KDM4B: variants seen among roughly 807,000 people sequenced by gnomAD.
The protein encoded by KDM4B is lysine-specific demethylase 4B.
KDM4B carries 32 observed loss-of-function variants against 125.2 expected under a neutral mutation model. That is an observed-to-expected ratio of 0.26 (90% confidence interval 0.19 to 0.34). The LOEUF (loss-of-function observed/expected upper bound fraction) is 0.34, where lower values mean the gene tolerates loss of function less well. Among genes scored for constraint, KDM4B ranks in the 10% least tolerant of loss-of-function variants. The probability of loss-of-function intolerance (pLI) is 1.00; values close to 1 mark genes in which losing one functional copy is unlikely to be tolerated. For missense variants in KDM4B, 1,190 were observed against 1,577.7 expected (o/e 0.75, Z 4.16); for synonymous variants, 721 against 677.9 (o/e 1.06, Z -0.99).
chr19:5,032,876 C>G lies in KDM4B; in HGVS notation c.-15C>G. 9 of 1,613,520 alleles carry G rather than the reference C, an allele frequency of 5.6e-6. No homozygotes were observed. The highest frequency in any genetic ancestry group is 6.8e-6 in the Non-Finnish European group (8 of 1,179,714). ...CGTCTTCCTCCACAGGTGTGCTTCC[C>G]GCACAGCTGCAGCCATGGGGTCTGA... On this transcript the variant is annotated 5_prime_UTR_variant, in exon 3 of 23. Coordinates refer to ENST00000159111, the MANE Select transcript of KDM4B (RefSeq NM_015015.3).
At chr19:5,140,645 G>A (rs1464899801) in intron 18 of KDM4B, 1 of 152,236 alleles carries the variant, frequency 6.6e-6, no homozygotes, top group Non-Finnish European at 1.5e-5. Context: ...TAAGGCGGGA[G>A]AATTGCTTGA....
At chr19:5,132,668 C>T (rs570809374) in intron 13 of KDM4B, among the ~76,000 whole-genome samples, 18 of 152,166 alleles carry the variant, frequency 1.2e-4, no homozygotes, top group Admixed American at 3.9e-4. Context: ...GGGGTCTTGC[C>T]TTCTACCCAG....
chr19:4,975,117 G>A (rs976451144), intron 1 of KDM4B, among the ~76,000 whole-genome samples: 7 of 152,102 alleles, frequency 4.6e-5, no homozygotes, highest in African/African-American at 1.7e-4. Flanking sequence ...GTATTAGTCT[G>A]TTTGTGTATC....
At chr19:5,127,274 C>T (rs2039465432) in intron 11 of KDM4B, among the ~76,000 whole-genome samples, 1 of 152,124 alleles carries the variant, frequency 6.6e-6, no homozygotes, top group Non-Finnish European at 1.5e-5. Context: ...GGAGTGTAGT[C>T]CCCATGGCAG....
intron 3 of KDM4B, among the ~76,000 whole-genome samples, chr19:5,033,786 C>T (rs1342801781): frequency 1.3e-5 from 2 of 152,104 alleles, no homozygotes; most frequent in Non-Finnish European, 2.9e-5. Context: ...CACGCGTGTA[C>T]GTGAATACAC....
intron 11 of KDM4B, among the ~76,000 whole-genome samples, chr19:5,128,883 CG>C (rs1169540792): frequency 7.1e-6 from 1 of 140,248 alleles, no homozygotes; most frequent in Non-Finnish European, 1.6e-5. Context: ...CATATAACAG[CG>C]GGGGGCCCGG....
At chr19:5,003,240 A>G (rs1345446821) in intron 1 of KDM4B, among the ~76,000 whole-genome samples, 2 of 152,050 alleles carry the variant, frequency 1.3e-5, no homozygotes, top group Non-Finnish European at 2.9e-5. Context: ...GCCTGTGATC[A>G]TAGCACTTTG....
rs755937200 is a variant in KDM4B, at chr19:5,131,955, G to T, written c.1854G>T (p.Pro618=). ...KKSRRHPLGR[P]PTRSPLSVVK... The stretch of plus-strand genomic sequence containing the variant: ...GCCGGCGCCATCCCCTGGGCCGGCC[G>T]CCCACCCGGTCCCCACTGTCGGTGG... The change falls in exon 13 of 23, where the codon CCG becomes CCT. Residue 618 remains proline (P), a synonymous_variant. Transcript: ENST00000159111. The T allele has an allele frequency of 6.2e-7, 1 of 1,611,958 alleles. No homozygotes were observed. The highest frequency in any genetic ancestry group is 8.5e-7 in the Non-Finnish European group (1 of 1,179,550).
chr19:5,131,008 C>T, intron 11 of KDM4B, 68 bp from the exon 12 acceptor site: 1 of 1,205,754 alleles, frequency 8.3e-7, no homozygotes, highest in Non-Finnish European at 1.1e-6. Flanking sequence ...TGGGGGATTT[C>T]TGGGGAGCGT....
rs1303847176 is a variant in KDM4B at position 5,142,788 on chromosome 19, G to C, written c.2551-1179G>C. The stretch of plus-strand genomic sequence containing the variant: ...TTGGGTATTTACAGTTTAATAACGA[G>C]ATCTCGATGCCGTCGATCGGCCCTG... On this transcript the variant is annotated intron_variant, in intron 18 of 22. Coordinates refer to ENST00000159111, the MANE Select transcript of KDM4B (RefSeq NM_015015.3). This position sits in a 1 kb window ranked among gnomAD's most constrained non-coding sequence, Gnocchi z 5.4. Among the ~76,000 whole-genome samples, 1 of 152,082 alleles carries C rather than the reference G, an allele frequency of 6.6e-6. No homozygotes were observed. The highest frequency in any genetic ancestry group is 2.4e-5 in the African/African-American group (1 of 41,402).
rs564482170 is a variant in KDM4B at position 4,995,226 on chromosome 19, C to T, written c.-108-21031C>T. On this transcript the variant is annotated intron_variant, in intron 1 of 22. Transcript: ENST00000159111. ...CCTTGTGTTTCTGGCTTCTTTTCAT[C>T]TCCCTTGCACCACTGAAACTGATGA... Among the ~76,000 whole-genome samples the T allele has an allele frequency of 9.2e-5, 14 of 152,302 alleles. No homozygotes were observed. The East Asian group carries it at 2.7e-3, about 29-fold the overall frequency.
At chr19:5,007,989 T>A (rs1398952994) in intron 1 of KDM4B, among the ~76,000 whole-genome samples, 1 of 152,224 alleles carries the variant, frequency 6.6e-6, no homozygotes, top group Non-Finnish European at 1.5e-5. Context: ...AGTTGGGTAG[T>A]TCTGAGCTGG....
chr19:5,033,129 C>T, intron 3 of KDM4B, 98 bp downstream of exon 3: 1 of 1,408,940 alleles, frequency 7.1e-7, no homozygotes, highest in Non-Finnish European at 9.7e-7. Flanking sequence ...ACAGGCGTGG[C>T]CTGTGCACGT....
At chr19:4,969,640 A>G (rs2034177022) in intron 1 of KDM4B, among the ~76,000 whole-genome samples, 1 of 151,788 alleles carries the variant, frequency 6.6e-6, no homozygotes, top group Admixed American at 6.5e-5. Context: ...ATTATTTTTG[A>G]AAGAAAGCAA....
intron 2 of KDM4B, among the ~76,000 whole-genome samples, chr19:5,030,736 CGTG>C (rs1466447234): frequency 2.0e-5 from 3 of 152,238 alleles, no homozygotes; most frequent in Non-Finnish European, 2.9e-5. Context: ...AACTGCCCCT[CGTG>C]GGCCTCTGTG....
At chr19:5,146,654 C>T (rs147135290) in intron 21 of KDM4B, among the ~76,000 whole-genome samples, 2,068 of 150,872 alleles carry the variant, frequency 0.014, 41 homozygotes, top group African/African-American at 0.048. Flanking sequence ...GGGCTGGGCG[C>T]GGTGGTTCAC....
At chr19:5,031,516 G>A (rs897931449) in intron 2 of KDM4B, among the ~76,000 whole-genome samples, 1 of 152,236 alleles carries the variant, frequency 6.6e-6, no homozygotes. Flanking sequence ...AGCCCACGTG[G>A]GCTTGGAGCT....
At chr19:5,094,077 C>A (rs973545516) in intron 9 of KDM4B, among the ~76,000 whole-genome samples, 1 of 152,242 alleles carries the variant, frequency 6.6e-6, no homozygotes, top group South Asian at 2.1e-4. Context: ...TGGCCGAGAT[C>A]TCAGGGCTGC....
At position 4,969,949 on chromosome 19, in the gene KDM4B, C is replaced by A. The variant is rs190134083; in HGVS notation, c.-109+719C>A. On this transcript the variant is annotated intron_variant, in intron 1 of 22. Transcript: ENST00000159111. ...AGCCTCCACGAGTCTCTCCGTCCCTCCCCCTTCCAGCCTGATCGCCATCTC... is the reference window on the plus strand; with the variant it reads ...AGCCTCCACGAGTCTCTCCGTCCCTACCCCTTCCAGCCTGATCGCCATCTC... Among the ~76,000 whole-genome samples the A allele has an allele frequency of 1.2e-3, 178 of 152,348 alleles. 2 individuals are homozygous for A. The highest frequency in any genetic ancestry group is 0.011 in the South Asian group (51 of 4,826).
Sources: gnomAD v4.1 joint callset for allele counts (sites outside exome capture counted in the v4.1 genomes callset) on GRCh38, gnomAD v4.1.1 for gene constraint, Gnocchi (gnomAD v3.1) non-coding constraint, MANE v1.5 for transcripts, NCBI Gene and HGNC (gene_info 2026-07-23, HGNC 2026-07-21) for gene names.